ABCA12: variants seen among roughly 807,000 people sequenced by gnomAD.
ABCA12 encodes the protein glucosylceramide transporter ABCA12.
A neutral mutation model predicts 293.5 loss-of-function variants in ABCA12; 156 were observed. That is an observed-to-expected ratio of 0.53 (90% CI 0.47 to 0.61). The LOEUF (loss-of-function observed/expected upper bound fraction) is 0.61. Among genes scored for constraint, ABCA12 ranks in the 20% least tolerant of loss-of-function variants. The pLI is 0.00. For synonymous variants in ABCA12, 1,063 were observed against 1,108.0 expected, an observed-to-expected ratio of 0.96 and a Z score of 0.81; for missense variants, 2,797 against 3,090.2, an observed-to-expected ratio of 0.91 and a Z score of 2.25.
At chr2:215,121,557 C>T (rs975083339) in intron 1 of ABCA12, among the ~76,000 whole-genome samples, 2 of 152,068 alleles carry the variant, frequency 1.3e-5, no homozygotes, top group Admixed American at 1.3e-4. Context: ...AACCTTAGTT[C>T]CCATGAGGAA....
intron 2 of ABCA12, among the ~76,000 whole-genome samples, chr2:215,083,280 G>T (rs1415000624): frequency 1.3e-5 from 2 of 152,192 alleles, no homozygotes; most frequent in Non-Finnish European, 2.9e-5. Flanking sequence ...GAGAACAGGT[G>T]TTTGTGGTAA....
chr2:215,015,555 G>C lies in ABCA12; in HGVS notation c.1891C>G (p.Arg631Gly). The C allele has an allele frequency of 1.2e-6, 2 of 1,614,034 alleles. No homozygotes were observed. Among genetic ancestry groups the C allele is most frequent in the African/African-American group, 2.7e-5 (2 of 75,020 alleles). Residue 631 changes from arginine to glycine, a missense_variant, in exon 15 of 53, where the codon CGG becomes GGG. Around this residue, in one of 3 missense-constraint regions of ABCA12, gnomAD observed 2,130 missense variants for 2,427.0 expected, o/e 0.88. Transcript: ENST00000272895. ...FCNLSLSERS[R>G]QSYLIGLTLL... ...GTGAGTCCGATGAGGTAAGACTGCC[G>C]GGATCTCTCTGAAAGAGACAGGTTG...
intron 8 of ABCA12, 67 bp downstream of exon 8, chr2:215,036,886 C>G: frequency 1.4e-6 from 2 of 1,385,844 alleles, no homozygotes. Context: ...TTTCATTGCA[C>G]TCTGCTTTAT....
intron 49 of ABCA12, among the ~76,000 whole-genome samples, chr2:214,943,880 T>G (rs1360666828): frequency 6.6e-6 from 1 of 152,242 alleles, no homozygotes; most frequent in Non-Finnish European, 1.5e-5. Context: ...AACTATGATA[T>G]AAACAAGTCT....
At chr2:214,951,280 A>G (rs1367497518) in intron 44 of ABCA12, among the ~76,000 whole-genome samples, 197 bp from the exon 45 acceptor site, 2 of 152,194 alleles carry the variant, frequency 1.3e-5, no homozygotes, top group East Asian at 3.8e-4. Context: ...ATATTTGTGA[A>G]ACAGCTTTTG....
intron 2 of ABCA12, among the ~76,000 whole-genome samples, chr2:215,105,732 C>T (rs1702452244): frequency 6.6e-6 from 1 of 152,018 alleles, no homozygotes; most frequent in South Asian, 2.1e-4. Context: ...CTCTGGGACA[C>T]ATTTCACAAA....
chr2:214,940,346 T>C (rs879317830), intron 50 of ABCA12, among the ~76,000 whole-genome samples: 2 of 152,222 alleles, frequency 1.3e-5, no homozygotes, highest in African/African-American at 2.4e-5. Flanking sequence ...CTTTTTGATA[T>C]GCAGCTGGAT....
At chr2:215,047,430 C>T (rs1404050823) in intron 6 of ABCA12, among the ~76,000 whole-genome samples, 1 of 152,130 alleles carries the variant, frequency 6.6e-6, no homozygotes, top group African/African-American at 2.4e-5. Context: ...GGTACAAAAA[C>T]AGACACATAG....
In ABCA12 at chr2:214,978,872, C is replaced by T. The variant is rs751866471; in HGVS notation, c.4909G>A (p.Ala1637Thr). The T allele has an allele frequency of 6.2e-7, 1 of 1,614,014 alleles. No homozygotes were observed. Among genetic ancestry groups the T allele is most frequent in the South Asian group, 1.1e-5 (1 of 91,072 alleles). ...AGGTCACCCATGCCATTGTCGAGTG[C>T]CCGTAGGAGTGACAGGTAGGCCCCT... ...VSGAYLSLLR[A>T]LDNGMGDLNI... Residue 1637 changes from alanine to threonine, a missense_variant, in exon 32 of 53, where the codon GCA becomes ACA. This residue lies in a region of ABCA12 where 2,130 missense variants were observed against 2,427.0 expected (regional missense o/e 0.88). Transcript: ENST00000272895.
chr2:214,946,491 C>G (rs1424470591), intron 48 of ABCA12, among the ~76,000 whole-genome samples: 1 of 152,062 alleles, frequency 6.6e-6, no homozygotes, highest in Admixed American at 6.6e-5. Flanking sequence ...AACATTTACA[C>G]AATAGAATTC....
intron 2 of ABCA12, among the ~76,000 whole-genome samples, chr2:215,096,616 T>C (rs1206497213): frequency 1.3e-5 from 2 of 152,328 alleles, no homozygotes; most frequent in East Asian, 1.9e-4. Context: ...CTCTTCCCAG[T>C]ATCTTTAAGA....
Position 214,963,847 on chromosome 2 carries a change from G to A in ABCA12, c.5884+3001C>T, listed in dbSNP as rs569324429. 2.0e-5 allele frequency among the ~76,000 whole-genome samples: 3 copies of A among 150,570 alleles called. No homozygotes were observed. In the South Asian group the frequency reaches 6.3e-4, roughly 32 times the overall value. Reference sequence around the variant, plus strand: ...GGGCAGGAGAATTGCTTGAACCCGGGAGGCAGAGGTTGTGGTGAGCTGAGA... The same window carrying A: ...GGGCAGGAGAATTGCTTGAACCCGGAAGGCAGAGGTTGTGGTGAGCTGAGA... On this transcript the variant is annotated intron_variant, in intron 39 of 52. Transcript: ENST00000272895.
At chr2:215,054,361 A>G (rs1315389357) in intron 4 of ABCA12, among the ~76,000 whole-genome samples, 1 of 152,112 alleles carries the variant, frequency 6.6e-6, no homozygotes, top group Non-Finnish European at 1.5e-5. Flanking sequence ...CCTATGGAGT[A>G]TTTCAGTAAG....
Position 215,083,812 on chromosome 2 carries a change from G to A in ABCA12, c.164-19593C>T, listed in dbSNP as rs979602985. On this transcript the variant is annotated intron_variant, in intron 2 of 52. Coordinates refer to ENST00000272895, the MANE Select transcript of ABCA12 (RefSeq NM_173076.3). The stretch of plus-strand genomic sequence containing the variant: ...AAAGCTAAGTGGCATGTCATGCTGG[G>A]TGCCCTAGCTTTAACTCATGTGCAT... Among the ~76,000 whole-genome samples, 3 of 152,234 alleles carry A rather than the reference G, an allele frequency of 2.0e-5. No individual in the cohort carries two copies. The East Asian group carries it at 5.8e-4, about 29-fold the overall frequency.
intron 1 of ABCA12, among the ~76,000 whole-genome samples, chr2:215,135,224 G>T (rs113316194): frequency 0.048 from 7,263 of 152,226 alleles, 564 homozygotes; most frequent in African/African-American, 0.17. Context: ...CTCCCAAAGT[G>T]CCGGGATTAC....
intron 2 of ABCA12, among the ~76,000 whole-genome samples, chr2:215,098,751 C>T (rs1467600581): frequency 6.6e-6 from 1 of 152,216 alleles, no homozygotes; most frequent in African/African-American, 2.4e-5. Flanking sequence ...TGCTTCAACA[C>T]TTAGTAAGGA....
At chr2:215,025,628 G>GTTTTTTTTTGTTT in intron 11 of ABCA12, 45 bp downstream of exon 11, 1 of 1,203,816 alleles carries the variant, frequency 8.3e-7, no homozygotes, top group East Asian at 2.5e-5. Context: ...TTGTCTTTTT[G>GTTTTTTTTTGTTT]TTTTTTTTTT....
chr2:215,021,973 T>G (rs1479530815), intron 11 of ABCA12: 2 of 152,190 alleles, frequency 1.3e-5, no homozygotes, highest in African/African-American at 4.8e-5. Context: ...ACCCAATCAC[T>G]GTACCACCTA....
At chr2:214,997,630 T>G in intron 23 of ABCA12, 65 bp downstream of exon 23, 1 of 1,238,060 alleles carries the variant, frequency 8.1e-7, no homozygotes, top group Non-Finnish European at 1.2e-6. Context: ...AAAGGCATGA[T>G]GAAAATCATA....
Sources: allele counts gnomAD v4.1 joint callset (sites outside exome capture counted in the v4.1 genomes callset), GRCh38; gene constraint gnomAD v4.1.1; regional missense constraint gnomAD v4.1.1; transcripts MANE v1.5; gene names NCBI Gene and HGNC (gene_info 2026-07-23, HGNC 2026-07-21).